DOCK3: variants seen among roughly 807,000 people sequenced by gnomAD.
DOCK3 encodes the protein dedicator of cytokinesis 3.
Under a neutral mutation model 265.6 loss-of-function variants are expected in DOCK3, and 60 were observed. The observed-to-expected ratio is 0.23, with a 90% CI of 0.18 to 0.28. The LOEUF is 0.28. DOCK3 is among the 10% of genes least tolerant of loss of function. The pLI is 1.00. For missense variants in DOCK3, 1,981 were observed against 2,594.3 expected (o/e 0.76, Z 5.14); for synonymous variants, 881 against 938.0 (o/e 0.94, Z 1.11).
intron 9 of DOCK3, among the ~76,000 whole-genome samples, chr3:51,102,331 G>C (rs1252204907): frequency 1.3e-5 from 2 of 152,138 alleles, no homozygotes; most frequent in Non-Finnish European, 2.9e-5. Context: ...TTTAAAAACT[G>C]GATATTTTAA....
intron 1 of DOCK3, among the ~76,000 whole-genome samples, chr3:50,682,741 C>T (rs1237411404): frequency 6.6e-6 from 1 of 152,172 alleles, no homozygotes; most frequent in African/African-American, 2.4e-5. Context: ...GAGTTTGAGA[C>T]CAGCCTGGTC....
At chr3:50,999,420 A>T (rs1575717016) in intron 5 of DOCK3, among the ~76,000 whole-genome samples, 1 of 152,188 alleles carries the variant, frequency 6.6e-6, no homozygotes, top group East Asian at 1.9e-4. Context: ...TCTTACTCAA[A>T]TACTTATATT....
intron 5 of DOCK3, among the ~76,000 whole-genome samples, chr3:51,035,414 T>C (rs1484018122): frequency 6.6e-6 from 1 of 152,174 alleles, no homozygotes; most frequent in Admixed American, 6.5e-5. Flanking sequence ...TGTTCTAAAA[T>C]TTCCAAATAA....
chr3:51,199,241 A>T (rs1055332425), intron 12 of DOCK3, among the ~76,000 whole-genome samples: 23 of 152,324 alleles, frequency 1.5e-4, no homozygotes, highest in Admixed American at 1.5e-3. Context: ...GAGGCATTGC[A>T]TTACTCGGGA....
At chr3:51,293,420 A>G (rs776997447) in intron 27 of DOCK3, among the ~76,000 whole-genome samples, 22 of 152,184 alleles carry the variant, frequency 1.4e-4, no homozygotes, top group Non-Finnish European at 3.1e-4. Flanking sequence ...AATTGGATAA[A>G]CCATATACAG....
At chr3:50,859,547 T>C (rs1304105914) in intron 3 of DOCK3, among the ~76,000 whole-genome samples, 1 of 151,950 alleles carries the variant, frequency 6.6e-6, no homozygotes, top group Non-Finnish European at 1.5e-5. Flanking sequence ...CATATGACAC[T>C]CTGGCCAGAG....
intron 12 of DOCK3, among the ~76,000 whole-genome samples, chr3:51,203,708 T>A (rs915569359): frequency 1.3e-5 from 2 of 152,158 alleles, no homozygotes; most frequent in African/African-American, 4.8e-5. Context: ...CATTGCCAAG[T>A]CAATCCTAAG....
In DOCK3 at chr3:50,853,298, GT is replaced by G. The variant is rs112948729; in HGVS notation, c.162+11594del. 3.6e-3 allele frequency among the ~76,000 whole-genome samples: 523 copies of G among 144,284 alleles called. 3 individuals carry two copies. Among genetic ancestry groups the G allele is most frequent in the African/African-American group, 0.011 (440 of 39,570 alleles). The allele number at this position is 144,284 out of a possible 152,430, so 94.7% of individuals were successfully genotyped here. A position where few individuals can be genotyped will look rare whatever the true frequency, so the allele number is the denominator to read the frequency against. On this transcript the variant is annotated intron_variant, in intron 3 of 52. Transcript: ENST00000266037. ...ATACAGTATTTTTCTTCCTGTGACT[GT>G]TTTTTTTTTTCTTTAAAATTATGGA...
chr3:51,193,945 T>A (rs1307702503), intron 12 of DOCK3, among the ~76,000 whole-genome samples: 1 of 151,876 alleles, frequency 6.6e-6, no homozygotes, highest in Non-Finnish European at 1.5e-5. Flanking sequence ...CTTCTGCTAG[T>A]TTTGGGTTTC....
intron 12 of DOCK3, among the ~76,000 whole-genome samples, chr3:51,193,550 T>G (rs916290201): frequency 6.6e-6 from 1 of 152,196 alleles, no homozygotes; most frequent in Non-Finnish European, 1.5e-5. Context: ...GTCCTGGGCT[T>G]TTCTTTCTCA....
intron 5 of DOCK3, among the ~76,000 whole-genome samples, chr3:51,021,276 C>T (rs981966041): frequency 6.7e-6 from 1 of 149,828 alleles, no homozygotes; most frequent in Admixed American, 6.6e-5. Flanking sequence ...CCCCAAGACA[C>T]ATAATCATCA....
intron 51 of DOCK3, chr3:51,379,301 T>C (rs2088408951): frequency 1.2e-6 from 1 of 816,406 alleles, no homozygotes; most frequent in Non-Finnish European, 1.5e-6. Flanking sequence ...AGTGCCTTGC[T>C]TGGCCAGCGT....
At chr3:50,763,206 C>T (rs2040638135) in intron 1 of DOCK3, among the ~76,000 whole-genome samples, 1 of 152,092 alleles carries the variant, frequency 6.6e-6, no homozygotes, top group Non-Finnish European at 1.5e-5. Context: ...TGGTCTTGGA[C>T]CTGTGAGAGG....
chr3:50,831,062 C>T (rs1046178242), intron 2 of DOCK3, among the ~76,000 whole-genome samples: 1 of 151,930 alleles, frequency 6.6e-6, no homozygotes, highest in Non-Finnish European at 1.5e-5. Flanking sequence ...CACTGGTGGG[C>T]ATGTCTTTTA....
intron 3 of DOCK3, among the ~76,000 whole-genome samples, chr3:50,886,337 A>T (rs996744629): frequency 2.0e-5 from 3 of 151,806 alleles, no homozygotes; most frequent in Non-Finnish European, 4.4e-5. Flanking sequence ...TTGTTTTTTT[A>T]AAAACAGATA....
At chr3:51,329,010 G>A (rs1484633432) in intron 32 of DOCK3, among the ~76,000 whole-genome samples, 1 of 152,042 alleles carries the variant, frequency 6.6e-6, no homozygotes, top group African/African-American at 2.4e-5. Flanking sequence ...AAAATTAGCT[G>A]GGTGTGGTGG....
At chr3:50,818,264 C>T (rs141193246) in intron 2 of DOCK3, among the ~76,000 whole-genome samples, 105 of 152,348 alleles carry the variant, frequency 6.9e-4, no homozygotes, top group African/African-American at 2.4e-3. Flanking sequence ...CAGCCCCATA[C>T]CGTACTCAGG....
intron 2 of DOCK3, chr3:50,787,395 C>T (rs868589312): frequency 9.6e-5 from 38 of 394,954 alleles, no homozygotes; most frequent in South Asian, 7.5e-4. Context: ...ATTAGCTGGG[C>T]GTGGTGATGC....
At chr3:51,114,269 G>A (rs986617075) in intron 9 of DOCK3, among the ~76,000 whole-genome samples, 2 of 152,100 alleles carry the variant, frequency 1.3e-5, no homozygotes, top group African/African-American at 4.8e-5. Flanking sequence ...GAAGGAAAAA[G>A]GAAGAAGACC....
Sources: gnomAD v4.1 joint callset for allele counts (sites outside exome capture counted in the v4.1 genomes callset) on GRCh38, gnomAD v4.1.1 for gene constraint, MANE v1.5 for transcripts, NCBI Gene and HGNC (gene_info 2026-07-23, HGNC 2026-07-21) for gene names.